MME: variants seen among roughly 807,000 people sequenced by gnomAD.
The protein encoded by MME is membrane metalloendopeptidase.
A neutral mutation model predicts 113.2 loss-of-function variants in MME; 98 were observed. The ratio of observed to expected loss-of-function variants is 0.87; its 90% CI spans 0.74 to 1.02. The LOEUF is 1.02. Ranked by LOEUF, MME falls within the 50% of genes least tolerant of loss-of-function variation. The pLI is 0.00. For missense variants in MME, 836 were observed against 896.0 expected, an observed-to-expected ratio of 0.93 and a Z score of 0.86; for synonymous variants, 292 against 300.6, an observed-to-expected ratio of 0.97 and a Z score of 0.30.
intron 3 of MME, among the ~76,000 whole-genome samples, chr3:155,103,749 GTTC>G (rs1446283852): frequency 2.0e-5 from 3 of 152,060 alleles, no homozygotes; most frequent in East Asian, 1.9e-4. Context: ...AACACTCTGT[GTTC>G]TTCTTCTCTT....
intron 22 of MME, 29 bp downstream of exon 22, chr3:155,172,641 G>GC (rs1487960557): frequency 2.0e-6 from 3 of 1,517,498 alleles, no homozygotes; most frequent in Non-Finnish European, 9.2e-7. Context: ...CAATCAAGGT[G>GC]CTCTTATATT....
upstream of MME, among the ~76,000 whole-genome samples, chr3:155,078,593 C>T (rs1714852830): frequency 6.6e-6 from 1 of 151,726 alleles, no homozygotes; most frequent in African/African-American, 2.4e-5. Flanking sequence ...ATATTAAAAA[C>T]AGATAATTGC....
At chr3:155,152,273 A>T (rs1286183841) in intron 16 of MME, among the ~76,000 whole-genome samples, 1 of 152,166 alleles carries the variant, frequency 6.6e-6, no homozygotes, top group Non-Finnish European at 1.5e-5. Context: ...TTAAACTTTA[A>T]GTGTCACCTC....
chr3:155,086,074 T>C (rs1715696185), intron 3 of MME, among the ~76,000 whole-genome samples: 1 of 152,120 alleles, frequency 6.6e-6, no homozygotes, highest in East Asian at 1.9e-4. Flanking sequence ...ATTCTGCGAA[T>C]GTGAGGTTGA....
chr3:155,058,533 C>A (rs779222462), intron 1 of MME, among the ~76,000 whole-genome samples: 5 of 152,016 alleles, frequency 3.3e-5, no homozygotes, highest in African/African-American at 1.2e-4. Flanking sequence ...CTTTTTAAAA[C>A]AATTTGCTAG....
chr3:155,064,337 A>G (rs1394815480), intron 1 of MME, among the ~76,000 whole-genome samples: 1 of 152,152 alleles, frequency 6.6e-6, no homozygotes, highest in Non-Finnish European at 1.5e-5. Flanking sequence ...TATATATGTA[A>G]GCACTGTTCT....
chr3:155,048,204 T>G (rs1191092030), intron 1 of MME, among the ~76,000 whole-genome samples: 1 of 152,160 alleles, frequency 6.6e-6, no homozygotes, highest in Non-Finnish European at 1.5e-5. Context: ...TTCTCTAATT[T>G]TCTCCTTCCT....
intron 3 of MME, among the ~76,000 whole-genome samples, chr3:155,104,552 C>A (rs1391079071): frequency 6.6e-6 from 1 of 152,196 alleles, no homozygotes; most frequent in Non-Finnish European, 1.5e-5. Flanking sequence ...GATGCAAAGG[C>A]AGGATGCTTT....
At chr3:155,160,764 C>G (rs1722659814) in intron 17 of MME, among the ~76,000 whole-genome samples, 1 of 151,838 alleles carries the variant, frequency 6.6e-6, no homozygotes, top group African/African-American at 2.4e-5. Context: ...TTGAATATAT[C>G]TATATAAAGT....
At chr3:155,129,045 T>A (rs2108285427) in intron 8 of MME, among the ~76,000 whole-genome samples, 1 of 152,348 alleles carries the variant, frequency 6.6e-6, no homozygotes, top group Non-Finnish European at 1.5e-5. Context: ...TCAATGGGTA[T>A]CATACATTTG....
chr3:155,118,301 C>T (rs906435985), intron 7 of MME, among the ~76,000 whole-genome samples: 1 of 152,200 alleles, frequency 6.6e-6, no homozygotes, highest in African/African-American at 2.4e-5. Context: ...TATTAACCCA[C>T]TCCCACCAAT....
At chr3:155,169,586 G>A (rs535043548) in intron 20 of MME, among the ~76,000 whole-genome samples, 2 of 152,238 alleles carry the variant, frequency 1.3e-5, no homozygotes, top group East Asian at 3.9e-4. Context: ...GATGGTCTAG[G>A]AAGCAACAAA....
At chr3:155,065,652 C>T (rs1199370814) in intron 1 of MME, among the ~76,000 whole-genome samples, 1 of 152,122 alleles carries the variant, frequency 6.6e-6, no homozygotes, top group Non-Finnish European at 1.5e-5. Flanking sequence ...TCTTAGCAAG[C>T]ACAAAGGTTA....
intron 1 of MME, chr3:155,083,507 T>C (rs1410307608): frequency 6.5e-6 from 1 of 153,012 alleles, no homozygotes; most frequent in Admixed American, 6.5e-5. Context: ...TATTCAGGTA[T>C]CTTTTGGTAC....
At chr3:155,085,262 A>G (rs1187462572) in intron 3 of MME, 168 bp downstream of exon 3, 1 of 509,582 alleles carries the variant, frequency 2.0e-6, no homozygotes, top group African/African-American at 2.0e-5. Flanking sequence ...GTAGTAGATT[A>G]ATTAACTTGT....
intron 1 of MME, among the ~76,000 whole-genome samples, chr3:155,070,233 G>T (rs1576682083): frequency 6.6e-6 from 1 of 152,076 alleles, no homozygotes; most frequent in South Asian, 2.1e-4. Context: ...GCATTAATGT[G>T]CATTGAATAA....
chr3:155,091,074 T>C (rs1176063955), intron 3 of MME, among the ~76,000 whole-genome samples: 1 of 152,174 alleles, frequency 6.6e-6, no homozygotes, highest in Non-Finnish European at 1.5e-5. Context: ...GGCTATTTCA[T>C]TATGTAGTTA....
chr3:155,108,079 G>A (rs1717844479), intron 3 of MME, among the ~76,000 whole-genome samples: 1 of 152,080 alleles, frequency 6.6e-6, no homozygotes, highest in African/African-American at 2.4e-5. Context: ...ATAAAACAAG[G>A]CTATGTATTA....
chr3:155,063,100 A>ATTATATAAATATATGTTATATATTTATG (rs1365245336), intron 1 of MME, among the ~76,000 whole-genome samples: 2 of 143,040 alleles, frequency 1.4e-5, no homozygotes, highest in African/African-American at 5.1e-5. Context: ...GACCTTATTA[A>ATTATATAAATATATGTTATATATTTATG]TTATATAAAT....
Sources: gnomAD v4.1 joint callset for allele counts (sites outside exome capture counted in the v4.1 genomes callset) on GRCh38, gnomAD v4.1.1 for gene constraint, MANE v1.5 for transcripts, NCBI Gene and HGNC (gene_info 2026-07-23, HGNC 2026-07-21) for gene names.